SS18: variants seen among roughly 807,000 people sequenced by gnomAD.
SS18 encodes SS18 subunit of BAF chromatin remodeling complex, also known as protein SSXT.
A neutral mutation model predicts 72.5 loss-of-function variants in SS18; 28 were observed. The observed-to-expected ratio is 0.39, with a 90% CI of 0.29 to 0.53. The LOEUF (loss-of-function observed/expected upper bound fraction) is 0.53, where lower values mean the gene tolerates loss of function less well. Ranked by LOEUF, SS18 falls within the 20% of genes least tolerant of loss-of-function variation. The probability of loss-of-function intolerance (pLI) is 0.76; values close to 1 mark genes in which losing one functional copy is unlikely to be tolerated. For missense variants in SS18, 518 were observed against 535.3 expected (o/e 0.97, Z 0.32); for synonymous variants, 172 against 164.2 (o/e 1.05, Z -0.37).
At position 26,035,469 on chromosome 18, in the gene SS18, C is replaced by T. The variant is rs1017988998; in HGVS notation, c.974-342G>A. On this transcript the variant is annotated intron_variant, in intron 8 of 10. Coordinates refer to ENST00000415083, the MANE Select transcript of SS18 (RefSeq NM_001007559.3). The surrounding 1 kb of genome is among the most constrained non-coding windows in gnomAD (Gnocchi z 4.4). ...GCTACAAGAGCACACACTAGCTACACGAGATCAGCAAGCTGTTTCCTAAAG... is the reference window on the plus strand; with the variant it reads ...GCTACAAGAGCACACACTAGCTACATGAGATCAGCAAGCTGTTTCCTAAAG... 10 of 291,146 alleles carry T rather than the reference C, an allele frequency of 3.4e-5. No homozygotes were observed. Among genetic ancestry groups the T allele is most frequent in the Middle Eastern group, 1.1e-3 (1 of 910 alleles). 18.0% of individuals were successfully genotyped at this position (291,146 alleles called of 1,614,324 possible). A position where few individuals can be genotyped will look rare whatever the true frequency, so the allele number is the denominator to read the frequency against.
At chr18:26,044,439 T>C (rs1006181471) in intron 5 of SS18, among the ~76,000 whole-genome samples, 3 of 151,504 alleles carry the variant, frequency 2.0e-5, no homozygotes, top group Non-Finnish European at 4.4e-5. Context: ...TTCTCCTGCC[T>C]CAGCCACCCG....
chr18:26,038,238 T>TA (rs995662684), intron 7 of SS18, among the ~76,000 whole-genome samples: 6 of 151,908 alleles, frequency 3.9e-5, no homozygotes, highest in Admixed American at 6.6e-5. Context: ...AAGCTCTTAT[T>TA]AAAAAAAAGT....
intron 10 of SS18, among the ~76,000 whole-genome samples, chr18:26,027,701 A>G (rs9947844): frequency 0.12 from 15,998 of 129,740 alleles, 2,598 homozygotes; most frequent in African/African-American, 0.36. Context: ...AAAAAAAAAA[A>G]AAAGTCTTTT....
intron 3 of SS18, among the ~76,000 whole-genome samples, chr18:26,070,004 C>T (rs1450520872): frequency 6.6e-6 from 1 of 152,028 alleles, no homozygotes; most frequent in African/African-American, 2.4e-5. Flanking sequence ...TAAAATTGTT[C>T]CTAGGTGCGG....
intron 5 of SS18, 51 bp from the exon 6 acceptor site, chr18:26,039,507 C>A (rs1489676707): frequency 6.7e-7 from 1 of 1,486,796 alleles, no homozygotes; most frequent in Non-Finnish European, 9.1e-7. Flanking sequence ...ATAACTTTAA[C>A]ATCTCAAGAG....
At position 26,035,237 on chromosome 18, in the gene SS18, T is replaced by C; in HGVS notation, c.974-110A>G. The C allele has an allele frequency of 7.8e-7, 1 of 1,274,532 alleles. No individual in the cohort carries two copies. Among genetic ancestry groups the C allele is most frequent in the Non-Finnish European group, 1.1e-6 (1 of 936,790 alleles). The allele number at this position is 1,274,532 out of a possible 1,614,324, so 79.0% of individuals were successfully genotyped here. On this transcript the variant is annotated intron_variant, in intron 8 of 10. Transcript: ENST00000415083. This position sits in a 1 kb window ranked among gnomAD's most constrained non-coding sequence, Gnocchi z 4.4. ...ACAAGAACAAAATGAAATGCCATATTGATTTTTAGAAGTTAACAAAACAAA... is the reference window on the plus strand; with the variant it reads ...ACAAGAACAAAATGAAATGCCATATCGATTTTTAGAAGTTAACAAAACAAA...
At chr18:26,080,514 G>A (rs758397902) in intron 2 of SS18, 4 of 279,502 alleles carry the variant, frequency 1.4e-5, no homozygotes, top group Non-Finnish European at 2.2e-5. Context: ...CACTCTTAAG[G>A]TCTCATATGT....
chr18:26,058,113 C>T (rs1470393242), intron 3 of SS18, among the ~76,000 whole-genome samples: 10 of 152,114 alleles, frequency 6.6e-5, no homozygotes. Flanking sequence ...TAAAAATGTA[C>T]AGTAACAAAA....
chr18:26,057,847 C>T, intron 3 of SS18, 105 bp from the exon 4 acceptor site: 1 of 1,124,742 alleles, frequency 8.9e-7, no homozygotes, highest in Non-Finnish European at 1.2e-6. Context: ...AGAACAAAAA[C>T]ACAAATGCAT....
intron 3 of SS18, among the ~76,000 whole-genome samples, chr18:26,069,150 A>G (rs1328061110): frequency 6.6e-6 from 1 of 152,176 alleles, no homozygotes; most frequent in Non-Finnish European, 1.5e-5. Flanking sequence ...GCCCCTTTCC[A>G]TTGATATCCT....
At chr18:26,082,738 T>A (rs954982413) in intron 2 of SS18, among the ~76,000 whole-genome samples, 1 of 152,226 alleles carries the variant, frequency 6.6e-6, no homozygotes, top group Non-Finnish European at 1.5e-5. Context: ...GCAGAGAGCG[T>A]TGATAAAGCA....
chr18:26,043,097 C>T (rs557499806), intron 5 of SS18, among the ~76,000 whole-genome samples: 106 of 152,128 alleles, frequency 7.0e-4, no homozygotes, highest in African/African-American at 2.2e-3. Flanking sequence ...CCCTATGAAA[C>T]GGGTAGTATT....
chr18:26,072,236 A>G (rs1190001132), intron 3 of SS18, among the ~76,000 whole-genome samples: 1 of 152,114 alleles, frequency 6.6e-6, no homozygotes, highest in Non-Finnish European at 1.5e-5. Flanking sequence ...AAGAATAGTA[A>G]ATATGTAAGA....
rs1490666990 is a variant in SS18 at position 26,032,399 on chromosome 18, C to T, written c.1230G>A (p.Gln410=). The T allele has an allele frequency of 1.2e-6, 2 of 1,613,090 alleles. No homozygotes were observed. The highest frequency in any genetic ancestry group is 1.7e-6 in the Non-Finnish European group (2 of 1,179,518). The part of the protein sequence containing the change: ...PPQQRPYGYD[Q]GQYGNYQQ The stretch of plus-strand genomic sequence containing the variant: ...TTCTGCAGCCGGTCAAACTACTTAC[C>T]TGGTCATATCCATAAGGCCTCTGCT... The change falls in exon 10 of 11, where the codon CAG becomes CAA. Residue 410 remains glutamine, a splice_region_variant and synonymous_variant. Coordinates refer to ENST00000415083, the MANE Select transcript of SS18 (RefSeq NM_001007559.3).
At chr18:26,025,737 T>C (rs374843596) in intron 10 of SS18, among the ~76,000 whole-genome samples, 9 of 152,144 alleles carry the variant, frequency 5.9e-5, no homozygotes, top group African/African-American at 2.2e-4. Flanking sequence ...ATGGCTTCAC[T>C]GGTAACTTTG....
chr18:26,090,725 G>A, upstream of SS18: 1 of 735,522 alleles, frequency 1.4e-6, no homozygotes, highest in Non-Finnish European at 2.2e-6. Context: ...AGGCCTGAAG[G>A]AGGCACTCTG....
intron 10 of SS18, among the ~76,000 whole-genome samples, chr18:26,018,901 C>T (rs1460856688): frequency 6.6e-6 from 1 of 152,164 alleles, no homozygotes; most frequent in African/African-American, 2.4e-5. Context: ...TTGAGCCTTT[C>T]CCTGAGGTCA....
chr18:26,063,378 G>A (rs1218406671), intron 3 of SS18, among the ~76,000 whole-genome samples: 1 of 152,156 alleles, frequency 6.6e-6, no homozygotes, highest in East Asian at 1.9e-4. Context: ...AATTAGCCAG[G>A]CGTGGTGGCG....
chr18:26,090,704 G>C, upstream of SS18: 1 of 921,528 alleles, frequency 1.1e-6, no homozygotes, highest in Non-Finnish European at 1.7e-6. Context: ...CAAGCGGACG[G>C]GCGGCGGGGC....
Sources: allele counts gnomAD v4.1 joint callset (sites outside exome capture counted in the v4.1 genomes callset), GRCh38; gene constraint gnomAD v4.1.1; non-coding constraint Gnocchi (gnomAD v3.1); transcripts MANE v1.5; gene names NCBI Gene and HGNC (gene_info 2026-07-23, HGNC 2026-07-21).